Variants in TMEM232 observed in about 807,000 individuals in gnomAD.
TMEM232 encodes transmembrane protein 232.
A neutral mutation model predicts 78.8 loss-of-function variants in TMEM232; 80 were observed. That is an observed-to-expected ratio of 1.01 (90% confidence interval 0.85 to 1.22). The LOEUF (loss-of-function observed/expected upper bound fraction) is 1.22. Ranked by LOEUF, TMEM232 falls within the 50% of genes most tolerant of loss-of-function variation. TMEM232 has a pLI of 0.00. For synonymous variants in TMEM232, 297 were observed against 254.3 expected (o/e 1.17, Z -1.60); for missense variants, 881 against 742.2 (o/e 1.19, Z -2.17).
intron 1 of TMEM232, among the ~76,000 whole-genome samples, chr5:110,722,244 T>A (rs1349041095): frequency 6.6e-6 from 1 of 152,230 alleles, no homozygotes; most frequent in East Asian, 1.9e-4. Context: ...CTAATTTGTA[T>A]AACAAATCAC....
At chr5:110,420,852 C>T in intron 13 of TMEM232, 96 bp from the exon 14 acceptor site, 1 of 1,426,066 alleles carries the variant, frequency 7.0e-7, no homozygotes, top group Non-Finnish European at 9.1e-7. Flanking sequence ...TCCAATTATC[C>T]TTTCAGGTTT....
chr5:110,537,178 C>A, intron 11 of TMEM232, among the ~76,000 whole-genome samples: 1 of 152,062 alleles, frequency 6.6e-6, no homozygotes, highest in East Asian at 1.9e-4. Flanking sequence ...CCACCTGATT[C>A]CACTATGGAC....
chr5:110,707,885 G>A (rs1440112177), intron 1 of TMEM232, among the ~76,000 whole-genome samples: 1 of 152,150 alleles, frequency 6.6e-6, no homozygotes, highest in Non-Finnish European at 1.5e-5. Flanking sequence ...CCCAGCTTAT[G>A]AAGACATTTT....
intron 1 of TMEM232, chr5:110,725,892 T>A (rs540140983): frequency 1.3e-5 from 2 of 151,434 alleles, no homozygotes; most frequent in Non-Finnish European, 2.9e-5. Context: ...AATATAAGAT[T>A]TAGACTCTAA....
intron 1 of TMEM232, among the ~76,000 whole-genome samples, chr5:110,735,931 G>A (rs1349793649): frequency 6.6e-6 from 1 of 152,154 alleles, no homozygotes; most frequent in African/African-American, 2.4e-5. Context: ...CCAAGTAGAA[G>A]TCTTAACTAG....
At chr5:110,503,517 G>T (rs1216342284) in intron 12 of TMEM232, among the ~76,000 whole-genome samples, 1 of 152,072 alleles carries the variant, frequency 6.6e-6, no homozygotes, top group African/African-American at 2.4e-5. Context: ...CCGAAGGGAA[G>T]ATCAGGGTGC....
chr5:110,683,402 G>A (rs1792998313), intron 1 of TMEM232, among the ~76,000 whole-genome samples: 1 of 151,692 alleles, frequency 6.6e-6, no homozygotes, highest in African/African-American at 2.4e-5. Flanking sequence ...ACATATATAT[G>A]TTGTGGCCTT....
At chr5:110,539,531 T>A (rs1772832428) in intron 11 of TMEM232, among the ~76,000 whole-genome samples, 1 of 152,026 alleles carries the variant, frequency 6.6e-6, no homozygotes, top group East Asian at 1.9e-4. Flanking sequence ...GGCACCAGAG[T>A]CCTAATACCT....
At chr5:110,462,491 C>T (rs1349391747) in intron 12 of TMEM232, among the ~76,000 whole-genome samples, 3 of 152,196 alleles carry the variant, frequency 2.0e-5, no homozygotes, top group East Asian at 1.9e-4. Flanking sequence ...ACAAGACTGG[C>T]TTAGTCTTCC....
chr5:110,406,081 A>C (rs1318565633), intron 2 of TMEM232, among the ~76,000 whole-genome samples: 1 of 152,024 alleles, frequency 6.6e-6, no homozygotes, highest in Non-Finnish European at 1.5e-5. Flanking sequence ...CTGACTTCTC[A>C]TCAGAACACT....
chr5:110,598,867 G>C (rs191500655), intron 10 of TMEM232, among the ~76,000 whole-genome samples: 1,950 of 111,966 alleles, frequency 0.017, 23 homozygotes, highest in Middle Eastern at 0.028. Context: ...GTTGTGGGGT[G>C]GGGGGAGGGG....
intron 5 of TMEM232, among the ~76,000 whole-genome samples, chr5:110,634,969 A>C (rs140425437): frequency 1.7e-3 from 262 of 152,132 alleles, no homozygotes; most frequent in Non-Finnish European, 3.3e-3. Context: ...AGAAGAGATA[A>C]GGCCACTCAA....
intron 12 of TMEM232, among the ~76,000 whole-genome samples, chr5:110,458,372 C>T (rs976999937): frequency 1.3e-5 from 2 of 151,924 alleles, no homozygotes; most frequent in African/African-American, 2.4e-5. Context: ...TATGAGGATA[C>T]TGCTAATTAA....
chr5:110,717,952 G>A (rs1463277907), intron 1 of TMEM232, among the ~76,000 whole-genome samples: 1 of 152,002 alleles, frequency 6.6e-6, no homozygotes, highest in African/African-American at 2.4e-5. Context: ...CAGTGAGAAT[G>A]GACTAATACA....
intron 2 of TMEM232, among the ~76,000 whole-genome samples, chr5:110,646,613 G>C (rs899613630): frequency 1.3e-5 from 2 of 151,712 alleles, no homozygotes; most frequent in African/African-American, 2.4e-5. Context: ...AGAATGCATA[G>C]GGAATATACT....
intron 1 of TMEM232, among the ~76,000 whole-genome samples, chr5:110,680,396 C>CAAAAAAAAA (rs1189611727): frequency 2.4e-4 from 6 of 24,670 alleles, no homozygotes; most frequent in Admixed American, 4.0e-4. Context: ...GACTCTATCT[C>CAAAAAAAAA]AAAAAAAAAA....
Position 110,524,391 on chromosome 5 carries a change from GAAAGAAAGAAAGAAAGAAAGAAAGA to G in TMEM232, c.1703+4172_1703+4196del, listed in dbSNP as rs1239291942. ...AGAAAGAAAGAAAGAAAGAAAGAAA[GAAAGAAAGAAAGAAAGAAAGAAAGA>G]AAAGAAAAGAAAAGAAAAGAAAAGA... On this transcript the variant is annotated intron_variant, in intron 12 of 13. Transcript: ENST00000455884. Among the ~76,000 whole-genome samples, 598 of 62,558 alleles carry G rather than the reference GAAAGAAAGAAAGAAAGAAAGAAAGA, an allele frequency of 9.6e-3. 3 individuals are homozygous for G. Among genetic ancestry groups the G allele is most frequent in the African/African-American group, 0.033 (347 of 10,660 alleles). The allele number at this position is 62,558 out of a possible 152,430, so 41.0% of individuals were successfully genotyped here. A position where few individuals can be genotyped will look rare whatever the true frequency, so the allele number is the denominator to read the frequency against.
intron 7 of TMEM232, among the ~76,000 whole-genome samples, chr5:110,622,321 C>T (rs1783849718): frequency 6.6e-6 from 1 of 152,160 alleles, no homozygotes; most frequent in African/African-American, 2.4e-5. Flanking sequence ...TTTCAGAGAA[C>T]TATTTGTACT....
chr5:110,645,470 AG>A (rs1478115108), intron 2 of TMEM232, among the ~76,000 whole-genome samples: 6 of 150,616 alleles, frequency 4.0e-5, no homozygotes, highest in Non-Finnish European at 7.4e-5. Context: ...AAAAAAAAAA[AG>A]GTCAACTCAA....
Sources: gnomAD v4.1 joint callset for allele counts (sites outside exome capture counted in the v4.1 genomes callset) on GRCh38, gnomAD v4.1.1 for gene constraint, MANE v1.5 for transcripts, NCBI Gene and HGNC (gene_info 2026-07-23, HGNC 2026-07-21) for gene names.